ATP8B4: variants seen among roughly 807,000 people sequenced by gnomAD.
ATP8B4 encodes the protein probable phospholipid-transporting ATPase IM.
Under a neutral mutation model 145.6 loss-of-function variants are expected in ATP8B4, and 133 were observed. The ratio of observed to expected loss-of-function variants is 0.91; its 90% CI spans 0.79 to 1.05. The LOEUF (loss-of-function observed/expected upper bound fraction) is 1.05, where lower values mean the gene tolerates loss of function less well. Ranked by LOEUF, ATP8B4 falls within the 50% of genes least tolerant of loss-of-function variation. The probability of loss-of-function intolerance (pLI) is 0.00; values close to 1 mark genes in which losing one functional copy is unlikely to be tolerated. For synonymous variants in ATP8B4, 507 were observed against 492.9 expected, an observed-to-expected ratio of 1.03 and a Z score of -0.38; for missense variants, 1,458 against 1,425.2, an observed-to-expected ratio of 1.02 and a Z score of -0.37.
chr15:50,159,669 C>T (rs1330879015), intron 1 of ATP8B4, among the ~76,000 whole-genome samples: 2 of 152,072 alleles, frequency 1.3e-5, no homozygotes, highest in African/African-American at 4.8e-5. Flanking sequence ...TCTGTTCCTT[C>T]TACCCAGTTT....
intron 23 of ATP8B4, among the ~76,000 whole-genome samples, chr15:49,894,682 C>G (rs904773169): frequency 2.0e-5 from 3 of 152,204 alleles, no homozygotes; most frequent in African/African-American, 7.2e-5. Flanking sequence ...CCCTGAGCCC[C>G]TTTGCCACAG....
chr15:49,882,000 G>A (rs1041803086), intron 23 of ATP8B4, among the ~76,000 whole-genome samples: 2 of 152,142 alleles, frequency 1.3e-5, no homozygotes, highest in South Asian at 2.1e-4. Context: ...AGGACAGAAC[G>A]AAGGCCTGAT....
chr15:50,165,490 C>A (rs2044583423), intron 1 of ATP8B4, among the ~76,000 whole-genome samples: 1 of 152,040 alleles, frequency 6.6e-6, no homozygotes, highest in Non-Finnish European at 1.5e-5. Context: ...ATGGTGGGGG[C>A]AATCACTGGA....
At position 49,920,424 on chromosome 15, in the gene ATP8B4, C is replaced by T. The variant is rs1295646420; in HGVS notation, c.1759-14G>A. 1.9e-6 allele frequency: 3 copies of T among 1,607,336 alleles called. No individual in the cohort carries two copies. The highest frequency in any genetic ancestry group is 2.5e-6 in the Non-Finnish European group (3 of 1,177,106). ...CCCTGCAAATTCCTGCCAGAGATGA[C>T]ATAGACTCATGAACCATCAAAGAAA... On this transcript the variant is annotated splice_polypyrimidine_tract_variant and intron_variant, in intron 17 of 27. Transcript: ENST00000284509.
At chr15:50,091,284 C>T (rs2055595166) in intron 2 of ATP8B4, among the ~76,000 whole-genome samples, 1 of 152,150 alleles carries the variant, frequency 6.6e-6, no homozygotes, top group Admixed American at 6.6e-5. Flanking sequence ...CATTCATTAA[C>T]TGCTTACCCC....
chr15:50,172,777 C>T lies in ATP8B4; in HGVS notation c.-43+9484G>A, dbSNP rs532820771. Among the ~76,000 whole-genome samples, 27 of 150,742 alleles carry T rather than the reference C, an allele frequency of 1.8e-4. 1 individual carries two copies. Among genetic ancestry groups the T allele is most frequent in the Middle Eastern group, 3.4e-3 (1 of 294 alleles). On this transcript the variant is annotated intron_variant, in intron 1 of 3. Transcript: ENST00000558829. ...GCCGCCCCGTCTGAGATGTGAAGAG[C>T]GCCTCTGCCCGGCCGCGACCCTGTC...
chr15:49,992,608 A>G (rs1221998957), intron 9 of ATP8B4, among the ~76,000 whole-genome samples: 1 of 152,170 alleles, frequency 6.6e-6, no homozygotes, highest in Non-Finnish European at 1.5e-5. Context: ...CCCAGTGGGA[A>G]CTTCTCTGGG....
chr15:50,058,197 G>A (rs2153619895), intron 3 of ATP8B4, among the ~76,000 whole-genome samples: 1 of 152,224 alleles, frequency 6.6e-6, no homozygotes. Flanking sequence ...ATCAACTGGG[G>A]ATCTAGGGAG....
At chr15:50,145,077 C>A (rs12439182) in intron 1 of ATP8B4, among the ~76,000 whole-genome samples, 34,026 of 152,156 alleles carry the variant, frequency 0.22, 4,490 homozygotes, top group East Asian at 0.41. Context: ...TCTACAATCC[C>A]AGCTATATGT....
At chr15:49,977,724 A>C (rs1310022478) in intron 12 of ATP8B4, among the ~76,000 whole-genome samples, 3 of 152,196 alleles carry the variant, frequency 2.0e-5, no homozygotes, top group Non-Finnish European at 4.4e-5. Flanking sequence ...GAACATTATA[A>C]GAAAGAATGC....
intron 14 of ATP8B4, among the ~76,000 whole-genome samples, chr15:49,947,276 A>G (rs1378396477): frequency 6.6e-6 from 1 of 151,950 alleles, no homozygotes; most frequent in African/African-American, 2.4e-5. Context: ...ACTAAAATAC[A>G]AAACATTAGC....
At chr15:50,042,520 A>T (rs2051376687) in intron 5 of ATP8B4, among the ~76,000 whole-genome samples, 1 of 152,122 alleles carries the variant, frequency 6.6e-6, no homozygotes, top group South Asian at 2.1e-4. Flanking sequence ...CTCTGTTATC[A>T]ATCTAGCTAC....
chr15:49,995,628 C>A lies in ATP8B4; in HGVS notation c.589+1049G>T, dbSNP rs118133148. Among the ~76,000 whole-genome samples the A allele has an allele frequency of 3.3e-3, 508 of 152,214 alleles. 2 individuals are homozygous for A. The highest frequency in any genetic ancestry group is 5.9e-3 in the Non-Finnish European group (404 of 68,012). On this transcript the variant is annotated intron_variant, in intron 9 of 27. Transcript: ENST00000284509. ...GGCAATAGGAGCTCTAAGCTCTGCA[C>A]TGGAGAAACTTTACAATATAAACTT...
At chr15:49,882,277 G>A (rs543771509) in intron 23 of ATP8B4, among the ~76,000 whole-genome samples, 8 of 152,162 alleles carry the variant, frequency 5.3e-5, no homozygotes, top group Non-Finnish European at 7.4e-5. Flanking sequence ...CAGCAGTTGT[G>A]ACAGGGTCCC....
intron 12 of ATP8B4, among the ~76,000 whole-genome samples, chr15:49,976,617 C>T (rs2045689335): frequency 6.6e-6 from 1 of 152,064 alleles, no homozygotes; most frequent in African/African-American, 2.4e-5. Context: ...TCTAGTAGCT[C>T]CCTGTAATCT....
At chr15:49,956,690 C>T (rs879327809) in intron 14 of ATP8B4, among the ~76,000 whole-genome samples, 2 of 152,018 alleles carry the variant, frequency 1.3e-5, no homozygotes, top group East Asian at 1.9e-4. Flanking sequence ...TACAGGTGTG[C>T]CCCAGCATGC....
At chr15:50,153,487 T>C (rs972258697) in intron 1 of ATP8B4, among the ~76,000 whole-genome samples, 12 of 152,110 alleles carry the variant, frequency 7.9e-5, no homozygotes, top group South Asian at 2.1e-4. Flanking sequence ...TACAGGCGCC[T>C]GCCACCGTGC....
intron 12 of ATP8B4, among the ~76,000 whole-genome samples, chr15:49,977,171 A>T (rs980591607): frequency 6.6e-6 from 1 of 152,160 alleles, no homozygotes; most frequent in African/African-American, 2.4e-5. Context: ...ATATGGCACT[A>T]ATTTACTCTT....
At chr15:50,000,569 T>C (rs1425683603) in intron 8 of ATP8B4, among the ~76,000 whole-genome samples, 1 of 152,156 alleles carries the variant, frequency 6.6e-6, no homozygotes, top group Non-Finnish European at 1.5e-5. Context: ...TATTGAGTTT[T>C]AAGAAGTTTT....
Sources: gnomAD v4.1 joint callset for allele counts (sites outside exome capture counted in the v4.1 genomes callset) on GRCh38, gnomAD v4.1.1 for gene constraint, MANE v1.5 for transcripts, NCBI Gene and HGNC (gene_info 2026-07-23, HGNC 2026-07-21) for gene names.